Variants in RASGRP3 observed in about 807,000 individuals in gnomAD.
The protein encoded by RASGRP3 is ras guanyl-releasing protein 3.
RASGRP3 carries 54 observed loss-of-function variants against 82.7 expected under a neutral mutation model. The ratio of observed to expected loss-of-function variants is 0.65; its 90% CI spans 0.52 to 0.82. The LOEUF (loss-of-function observed/expected upper bound fraction) is 0.82, where lower values mean the gene tolerates loss of function less well. RASGRP3 is among the 40% of genes least tolerant of loss of function. The pLI is 0.00. For synonymous variants in RASGRP3, 309 were observed against 300.5 expected (o/e 1.03, Z -0.29); for missense variants, 861 against 828.9 (o/e 1.04, Z -0.48).
intron 14 of RASGRP3, among the ~76,000 whole-genome samples, chr2:33,553,559 CA>C (rs768114024): frequency 3.3e-5 from 5 of 152,010 alleles, no homozygotes; most frequent in Admixed American, 6.6e-5. Flanking sequence ...TCACCTTTTA[CA>C]AAAGAGAAGC....
intron 9 of RASGRP3, among the ~76,000 whole-genome samples, chr2:33,525,469 T>C: frequency 6.6e-6 from 1 of 152,036 alleles, no homozygotes; most frequent in Non-Finnish European, 1.5e-5. Flanking sequence ...TATGAAAAGA[T>C]TCTCATATAA....
In RASGRP3 at chr2:33,517,576, T is replaced by A. The variant is rs190767846; in HGVS notation, c.173+932T>A. Among the ~76,000 whole-genome samples the A allele has an allele frequency of 3.1e-3, 476 of 152,266 alleles. 3 individuals are homozygous for A. Among genetic ancestry groups the A allele is most frequent in the Non-Finnish European group, 5.0e-3 (343 of 68,022 alleles). ...CTCCACTTTCTACTTCTTCTCTTCA[T>A]CCTCCTCACAACCTCAGAGCAGAAA... is the stretch of plus-strand genomic sequence containing the variant. On this transcript the variant is annotated intron_variant, in intron 4 of 17. Coordinates refer to ENST00000403687, the MANE Select transcript of RASGRP3 (RefSeq NM_001139488.2).
At chr2:33,514,791 GGAACA>G (rs1162971037) in intron 2 of RASGRP3, among the ~76,000 whole-genome samples, 1 of 151,976 alleles carries the variant, frequency 6.6e-6, no homozygotes, top group African/African-American at 2.4e-5. Context: ...TATATAACAG[GGAACA>G]TTTCCATGGT....
chr2:33,445,914 T>C (rs1665473804), intron 1 of RASGRP3, among the ~76,000 whole-genome samples: 1 of 152,288 alleles, frequency 6.6e-6, no homozygotes, highest in Non-Finnish European at 1.5e-5. Flanking sequence ...TGTTTCTTAA[T>C]ATTGGAGGAA....
chr2:33,502,397 CT>C (rs768580410), intron 1 of RASGRP3, among the ~76,000 whole-genome samples: 29 of 152,094 alleles, frequency 1.9e-4, no homozygotes, highest in Non-Finnish European at 4.4e-5. Flanking sequence ...TTTGCTCACA[CT>C]TTAGTAAATT....
intron 14 of RASGRP3, among the ~76,000 whole-genome samples, chr2:33,551,748 C>G (rs559051387): frequency 6.6e-6 from 1 of 152,282 alleles, no homozygotes; most frequent in Non-Finnish European, 1.5e-5. Flanking sequence ...AATCCCAGCA[C>G]TTTGGGAGGC....
At position 33,466,281 on chromosome 2, in the gene RASGRP3, A is replaced by G. The variant is rs1427748917; in HGVS notation, c.-261+18338A>G. ...AGGATTCACTATTCTAGGTGCCATTAGGAACATTCGTGATTCATGGGAGGA... is the reference window on the plus strand; with the variant it reads ...AGGATTCACTATTCTAGGTGCCATTGGGAACATTCGTGATTCATGGGAGGA... On this transcript the variant is annotated intron_variant, in intron 2 of 18. Coordinates refer to the RASGRP3 transcript ENST00000402538. 3.3e-5 allele frequency among the ~76,000 whole-genome samples: 5 copies of G among 152,252 alleles called. No homozygotes were observed. In the East Asian group the frequency reaches 9.6e-4, roughly 29 times the overall value.
intron 12 of RASGRP3, chr2:33,539,943 G>A (rs1046208750): frequency 6.6e-6 from 1 of 150,952 alleles, no homozygotes; most frequent in Non-Finnish European, 1.5e-5. Context: ...AGGTGAGATC[G>A]CGCCACTGCA....
At chr2:33,540,556 T>G (rs61134425) in intron 12 of RASGRP3, among the ~76,000 whole-genome samples, 833 of 38,596 alleles carry the variant, frequency 0.022, 66 homozygotes, top group East Asian at 0.13. Flanking sequence ...TGTGTGTGTT[T>G]TGTGTGTGTG....
intron 2 of RASGRP3, among the ~76,000 whole-genome samples, chr2:33,452,191 T>A (rs1665837431): frequency 2.6e-5 from 4 of 152,360 alleles, no homozygotes; most frequent in Admixed American, 2.6e-4. Flanking sequence ...TTAAGATGAT[T>A]ATTTTGAATT....
chr2:33,505,268 G>C (rs1260604791), intron 1 of RASGRP3, among the ~76,000 whole-genome samples: 1 of 151,454 alleles, frequency 6.6e-6, no homozygotes, highest in African/African-American at 2.4e-5. Flanking sequence ...TTGAGACCAG[G>C]TACTTCCAGA....
chr2:33,510,322 C>T (rs1227814763), intron 1 of RASGRP3, among the ~76,000 whole-genome samples: 1 of 152,220 alleles, frequency 6.6e-6, no homozygotes, highest in Non-Finnish European at 1.5e-5. Context: ...TACAATATTT[C>T]ACCTTATAAA....
In RASGRP3 at chr2:33,527,224, A is replaced by C; in HGVS notation, c.895A>C (p.Ile299Leu). Reference protein sequence around the residue: ...KAFADCDGFKIPILGVHLKDL... With the variant: ...KAFADCDGFKLPILGVHLKDL... ...CTTTGCCGACTGCGATGGCTTCAAA[A>C]TCCCCATCCTTGGAGTACACTTGAA... The change falls in exon 10 of 18, where the codon ATC becomes CTC. Residue 299 changes from isoleucine to leucine, a missense_variant. By Grantham distance (5) the Ile-to-Leu change is conservative. Transcript: ENST00000403687. The C allele has an allele frequency of 6.2e-7, 1 of 1,614,014 alleles. No homozygotes were observed. The highest frequency in any genetic ancestry group is 1.1e-5 in the South Asian group (1 of 91,090).
rs1309761423 is a variant in RASGRP3, at chr2:33,515,214, C to T, written c.70+8C>T. ...CTTGCATTGAGATGTTTGGTACGAG[C>T]CTTTTCTCCTTTCATCTCTTTTGGA... On this transcript the variant is annotated splice_region_variant and intron_variant, in intron 3 of 17. Coordinates refer to ENST00000403687, the MANE Select transcript of RASGRP3 (RefSeq NM_001139488.2). The T allele has an allele frequency of 1.2e-6, 2 of 1,613,252 alleles. No homozygotes were observed. Among genetic ancestry groups the T allele is most frequent in the Admixed American group, 1.7e-5 (1 of 59,998 alleles).
chr2:33,452,464 G>T (rs1201469305), intron 2 of RASGRP3, among the ~76,000 whole-genome samples: 1 of 152,214 alleles, frequency 6.6e-6, no homozygotes, highest in Non-Finnish European at 1.5e-5. Flanking sequence ...TTGCCTTGGT[G>T]CCTGAGTCAG....
Position 33,520,000 on chromosome 2 carries a change from C to T in RASGRP3, c.222C>T (p.Ile74=). Residue 74 remains isoleucine (I), a synonymous_variant, in exon 5 of 18, where the codon ATC becomes ATT. Transcript: ENST00000403687. ...GCTGCAATGAATTTCGATTAAAGAT[C>T]TGCTACTTCATGAGGTAAATATATT... is the stretch of plus-strand genomic sequence containing the variant. ...GESCNEFRLK[I]CYFMRYWILK... 2 of 1,607,230 alleles carry T rather than the reference C, an allele frequency of 1.2e-6. No individual in the cohort carries two copies. The highest frequency in any genetic ancestry group is 1.7e-6 in the Non-Finnish European group (2 of 1,176,124).
In RASGRP3 at chr2:33,450,818, C is replaced by CTTTTTTTTT. The variant is rs879744839; in HGVS notation, c.-261+2878_-261+2879insTTTTTTTTT. On this transcript the variant is annotated intron_variant, in intron 2 of 18. Transcript: ENST00000402538. ...CTTTTCTTTCTTTTTCTCTTTCTTTCTTTCTTTTTTTTTTTTTTTTTTTTT... is the reference window on the plus strand; with the variant it reads ...CTTTTCTTTCTTTTTCTCTTTCTTTCTTTTTTTTTTTTCTTTTTTTTTTTTTTTTTTTTT... Among the ~76,000 whole-genome samples, 192 of 43,350 alleles carry CTTTTTTTTT rather than the reference C, an allele frequency of 4.4e-3. 23 individuals are homozygous for CTTTTTTTTT. In the Middle Eastern group the frequency reaches 0.05, roughly 11 times the overall value. The allele number at this position is 43,350 out of a possible 152,430, so 28.4% of individuals were successfully genotyped here.
chr2:33,509,245 T>C (rs1443268313), intron 1 of RASGRP3, among the ~76,000 whole-genome samples: 1 of 151,922 alleles, frequency 6.6e-6, no homozygotes, highest in Non-Finnish European at 1.5e-5. Context: ...CTACTAAAAA[T>C]ACAAAAATTA....
At chr2:33,450,095 C>A (rs1665707469) in intron 2 of RASGRP3, among the ~76,000 whole-genome samples, 1 of 152,024 alleles carries the variant, frequency 6.6e-6, no homozygotes, top group African/African-American at 2.4e-5. Context: ...TATTTCCAGC[C>A]CCCAAGCTTT....
Sources: allele counts gnomAD v4.1 joint callset (sites outside exome capture counted in the v4.1 genomes callset), GRCh38; gene constraint gnomAD v4.1.1; transcripts MANE v1.5; gene names NCBI Gene and HGNC (gene_info 2026-07-23, HGNC 2026-07-21).